SLC6A3: variants seen among roughly 807,000 people sequenced by gnomAD.
SLC6A3 encodes sodium-dependent dopamine transporter.
Under a neutral mutation model 70.4 loss-of-function variants are expected in SLC6A3, and 19 were observed. That is an observed-to-expected ratio of 0.27 (90% CI 0.19 to 0.40). The LOEUF is 0.40. Ranked by LOEUF, SLC6A3 falls within the 10% of genes least tolerant of loss-of-function variation. The probability of loss-of-function intolerance (pLI) is 1.00; values close to 1 mark genes in which losing one functional copy is unlikely to be tolerated. For missense variants in SLC6A3, 613 were observed against 838.5 expected (o/e 0.73, Z 3.32); for synonymous variants, 368 against 356.6 (o/e 1.03, Z -0.36).
At chr5:1,398,405 TAGAG>T (rs770091655) in intron 14 of SLC6A3, among the ~76,000 whole-genome samples, 7 of 145,484 alleles carry the variant, frequency 4.8e-5, no homozygotes, top group Non-Finnish European at 9.1e-5. Flanking sequence ...TCTAAGCAAG[TAGAG>T]AGAAATAAAC....
chr5:1,444,983 A>G (rs1579731115), intron 1 of SLC6A3, among the ~76,000 whole-genome samples: 1 of 152,010 alleles, frequency 6.6e-6, no homozygotes, highest in East Asian at 1.9e-4. Context: ...CGGATCTGGG[A>G]TGCGCCGCAC....
intron 1 of SLC6A3, among the ~76,000 whole-genome samples, chr5:1,444,101 GTGTC>G (rs1221504508): frequency 1.3e-5 from 2 of 152,158 alleles, no homozygotes; most frequent in Admixed American, 1.3e-4. Context: ...TCCTCAAAAA[GTGTC>G]TGTACAAGCC....
At chr5:1,433,588 C>T (rs1247070766) in intron 3 of SLC6A3, among the ~76,000 whole-genome samples, 1 of 152,080 alleles carries the variant, frequency 6.6e-6, no homozygotes, top group Non-Finnish European at 1.5e-5. Flanking sequence ...CAGCCATCCA[C>T]AACCATCCAT....
chr5:1,421,984 A>G lies in SLC6A3; in HGVS notation c.684T>C (p.His228=). 6.2e-7 allele frequency: 1 copy of G among 1,612,816 alleles called. No individual in the cohort carries two copies. The highest frequency in any genetic ancestry group is 8.5e-7 in the Non-Finnish European group (1 of 1,180,012). Residue 228 remains histidine, a synonymous_variant, in exon 5 of 15, where the codon CAT becomes CAC. Coordinates refer to ENST00000270349, the MANE Select transcript of SLC6A3 (RefSeq NM_001044.5). The surrounding 1 kb of genome is among the most constrained non-coding windows in gnomAD (Gnocchi z 7.2). ...GCGGAGGCCCCAGGTCGTCGATGCC[A>G]TGGCTCTGGTGGAGGTGCAGCACGC... is the stretch of plus-strand genomic sequence containing the variant. ...ERGVLHLHQS[H]GIDDLGPPRW...
At position 1,406,640 on chromosome 5, in the gene SLC6A3, T is replaced by G. The variant is rs966051117; in HGVS notation, c.1499-352A>C. Among the ~76,000 whole-genome samples, 16 of 152,148 alleles carry G rather than the reference T, an allele frequency of 1.1e-4. No individual in the cohort carries two copies. The highest frequency in any genetic ancestry group is 2.9e-4 in the African/African-American group (12 of 41,426). Reference sequence around the variant, plus strand: ...TCTTGTTCACTTAAAAAGATTATGGTAAAATACACATAACATAAAACTTAC... The same window carrying G: ...TCTTGTTCACTTAAAAAGATTATGGGAAAATACACATAACATAAAACTTAC... On this transcript the variant is annotated intron_variant, in intron 11 of 14. Coordinates refer to ENST00000270349, the MANE Select transcript of SLC6A3 (RefSeq NM_001044.5). This position sits in a 1 kb window ranked among gnomAD's most constrained non-coding sequence, Gnocchi z 8.8.
rs1755730212 is a variant in SLC6A3, at chr5:1,396,729, G to C, written c.1840-1971C>G. ...CCACACAGGGCTGGGCACGGTGCCT[G>C]TTCCCCCAGCCAGGAGAATGTCATG... On this transcript the variant is annotated intron_variant, in intron 14 of 14. Coordinates refer to ENST00000270349, the MANE Select transcript of SLC6A3 (RefSeq NM_001044.5). The surrounding 1 kb of genome is among the most constrained non-coding windows in gnomAD (Gnocchi z 7.0). 1.3e-5 allele frequency among the ~76,000 whole-genome samples: 2 copies of C among 152,208 alleles called. No individual in the cohort carries two copies. Among genetic ancestry groups the C allele is most frequent in the Non-Finnish European group, 2.9e-5 (2 of 68,040 alleles).
intron 5 of SLC6A3, 74 bp from the exon 6 acceptor site, chr5:1,420,777 C>T: frequency 6.5e-7 from 1 of 1,546,052 alleles, no homozygotes; most frequent in East Asian, 2.2e-5. Flanking sequence ...CACAAGGGCA[C>T]CGGGTTGCCC....
At chr5:1,409,670 C>A in intron 10 of SLC6A3, 51 bp downstream of exon 10, 1 of 1,609,872 alleles carries the variant, frequency 6.2e-7, no homozygotes, top group East Asian at 2.2e-5. Context: ...CCCCGTGCCA[C>A]GTGCTAAGGA....
In SLC6A3 at chr5:1,443,108, C is replaced by T; in HGVS notation, c.90G>A (p.Glu30=). 1 of 1,614,250 alleles carries T rather than the reference C, an allele frequency of 6.2e-7. No homozygotes were observed. Among genetic ancestry groups the T allele is most frequent in the Non-Finnish European group, 8.5e-7 (1 of 1,180,044 alleles). ...EPNAVGPKEV[E]LILVKEQNGV... ...CGTTCTGCTCCTTGACAAGGATGAG[C>T]TCCACCTCCTTCGGGCCCACGGCAT... is the stretch of plus-strand genomic sequence containing the variant. The change falls in exon 2 of 15, where the codon GAG becomes GAA. Residue 30 remains glutamate (E), a synonymous_variant. Transcript: ENST00000270349.
rs1430768639 is a variant in SLC6A3 at position 1,432,611 on chromosome 5, G to C, written c.506C>G (p.Ser169Cys). The change falls in exon 4 of 15, where the codon TCC becomes TGC. Residue 169 changes from serine to cysteine, a missense_variant. This residue lies in a region of SLC6A3 where 153 missense variants were observed against 249.4 expected (regional missense o/e 0.61). Transcript: ENST00000270349. Reference protein sequence around the residue: ...IIAWALHYLFSSFTTELPWIH... With the variant: ...IIAWALHYLFCSFTTELPWIH... ...CCAGGGGAGCTCCGTGGTGAAGGAG[G>C]AGAAGAGATAGTGCAGCGCCCAGGC... 1 of 1,614,250 alleles carries C rather than the reference G, an allele frequency of 6.2e-7. No homozygotes were observed. Among genetic ancestry groups the C allele is most frequent in the East Asian group, 2.2e-5 (1 of 44,890 alleles).
At chr5:1,399,701 C>T (rs1271254141) in intron 14 of SLC6A3, among the ~76,000 whole-genome samples, 1 of 152,164 alleles carries the variant, frequency 6.6e-6, no homozygotes, top group Non-Finnish European at 1.5e-5. Flanking sequence ...GTGTTTGGAG[C>T]AGGCAAGTCA....
At position 1,438,924 on chromosome 5, in the gene SLC6A3, C is replaced by T. The variant is rs1427562819; in HGVS notation, c.418+2435G>A. ...TGACTCAGCATCCCAAGGCTCTGAG[C>T]CCTCAGATACTCTCCAACACGGACC... is the stretch of plus-strand genomic sequence containing the variant. On this transcript the variant is annotated intron_variant, in intron 3 of 14. Coordinates refer to ENST00000270349, the MANE Select transcript of SLC6A3 (RefSeq NM_001044.5). This position sits in a 1 kb window ranked among gnomAD's most constrained non-coding sequence, Gnocchi z 6.5. Among the ~76,000 whole-genome samples, 1 of 152,216 alleles carries T rather than the reference C, an allele frequency of 6.6e-6. No individual in the cohort carries two copies. Among genetic ancestry groups the T allele is most frequent in the Non-Finnish European group, 1.5e-5 (1 of 68,030 alleles).
At chr5:1,398,770 G>A (rs1359248721) in intron 14 of SLC6A3, among the ~76,000 whole-genome samples, 2 of 152,186 alleles carry the variant, frequency 1.3e-5, no homozygotes, top group East Asian at 3.8e-4. Context: ...AGTGAAGATG[G>A]GTTCATGTCA....
In SLC6A3 at chr5:1,402,085, C is replaced by G. The variant is rs1032791419; in HGVS notation, c.1767+837G>C. Among the ~76,000 whole-genome samples the G allele has an allele frequency of 2.0e-5, 3 of 152,150 alleles. No homozygotes were observed. Among genetic ancestry groups the G allele is most frequent in the Non-Finnish European group, 1.5e-5 (1 of 68,020 alleles). ...TGAGCCCAGGGGACACCGTGTGGCCCTAAGGTGGAATCCTTGAACACAGCT... is the reference window on the plus strand; with the variant it reads ...TGAGCCCAGGGGACACCGTGTGGCCGTAAGGTGGAATCCTTGAACACAGCT... On this transcript the variant is annotated intron_variant, in intron 13 of 14. Coordinates refer to ENST00000270349, the MANE Select transcript of SLC6A3 (RefSeq NM_001044.5). The surrounding 1 kb of genome is among the most constrained non-coding windows in gnomAD (Gnocchi z 8.5).
At chr5:1,418,742 TCATCCATCCATC>T (rs1382174037) in intron 6 of SLC6A3, among the ~76,000 whole-genome samples, 6 of 147,882 alleles carry the variant, frequency 4.1e-5, no homozygotes, top group Admixed American at 4.0e-4. Context: ...CACCCATCCA[TCATCCATCCATC>T]CATCCATGCT....
intron 6 of SLC6A3, among the ~76,000 whole-genome samples, chr5:1,417,681 C>T (rs1756338966): frequency 6.6e-6 from 1 of 152,264 alleles, no homozygotes; most frequent in Non-Finnish European, 1.5e-5. Flanking sequence ...AGATGCCCAC[C>T]TTGCCCTTCC....
chr5:1,419,803 C>T (rs2126366378), intron 6 of SLC6A3, among the ~76,000 whole-genome samples: 1 of 151,632 alleles, frequency 6.6e-6, no homozygotes, highest in Non-Finnish European at 1.5e-5. Context: ...CACCCCCACC[C>T]AACTGCTTTG....
rs1308613860 is a variant in SLC6A3, at chr5:1,401,830, C to T, written c.1768-844G>A. ...TCTCCCTGCAGAGACTGCCCGGCTG[C>T]CTGCTCTTCCCCTGTGCTGGGTCCT... is the stretch of plus-strand genomic sequence containing the variant. On this transcript the variant is annotated intron_variant, in intron 13 of 14. Coordinates refer to ENST00000270349, the MANE Select transcript of SLC6A3 (RefSeq NM_001044.5). The surrounding 1 kb of genome is among the most constrained non-coding windows in gnomAD (Gnocchi z 6.1). Among the ~76,000 whole-genome samples the T allele has an allele frequency of 6.6e-6, 1 of 152,270 alleles. No homozygotes were observed. The highest frequency in any genetic ancestry group is 2.4e-5 in the African/African-American group (1 of 41,480).
At position 1,421,564 on chromosome 5, in the gene SLC6A3, C is replaced by T. The variant is rs988884378; in HGVS notation, c.792+312G>A. ...ACGTGGACCCAAAACCCAACTGTGC[C>T]GTGTGTCCGCCCAGCCCAGCCACGG... On this transcript the variant is annotated intron_variant, in intron 5 of 14. Transcript: ENST00000270349. This position sits in a 1 kb window ranked among gnomAD's most constrained non-coding sequence, Gnocchi z 7.2. 2.2e-4 allele frequency among the ~76,000 whole-genome samples: 34 copies of T among 152,134 alleles called. No homozygotes were observed. The highest frequency in any genetic ancestry group is 7.5e-4 in the African/African-American group (31 of 41,420).
Sources: allele counts gnomAD v4.1 joint callset (sites outside exome capture counted in the v4.1 genomes callset), GRCh38; gene constraint gnomAD v4.1.1; regional missense constraint gnomAD v4.1.1; non-coding constraint Gnocchi (gnomAD v3.1); transcripts MANE v1.5; gene names NCBI Gene and HGNC (gene_info 2026-07-23, HGNC 2026-07-21).